Variants in TUSC3 observed in about 807,000 individuals in gnomAD.
TUSC3 encodes the protein tumor suppressor candidate 3.
TUSC3 carries 45 observed loss-of-function variants against 44.8 expected under a neutral mutation model. The ratio of observed to expected loss-of-function variants is 1.00; its 90% CI spans 0.79 to 1.29. The LOEUF (loss-of-function observed/expected upper bound fraction) is 1.29. Among genes scored for constraint, TUSC3 ranks in the 50% most tolerant of loss-of-function variants. The pLI is 0.00. For synonymous variants in TUSC3, 212 were observed against 152.9 expected (o/e 1.39, Z -2.85); for missense variants, 519 against 437.9 (o/e 1.19, Z -1.65).
chr8:15,675,911 C>CT (rs1466653190), intron 6 of TUSC3, among the ~76,000 whole-genome samples: 1 of 152,054 alleles, frequency 6.6e-6, no homozygotes, highest in Non-Finnish European at 1.5e-5. Flanking sequence ...GTGTATGTGT[C>CT]TTTTTTGTAG....
intron 6 of TUSC3, among the ~76,000 whole-genome samples, chr8:15,703,946 G>T (rs1403398033): frequency 6.6e-6 from 1 of 152,094 alleles, no homozygotes; most frequent in Non-Finnish European, 1.5e-5. Flanking sequence ...AAGCAGTCTG[G>T]CTTGGCGCAC....
intron 2 of TUSC3, among the ~76,000 whole-genome samples, chr8:15,483,946 C>G (rs146324568): frequency 2.6e-5 from 4 of 151,982 alleles, no homozygotes; most frequent in South Asian, 2.1e-4. Context: ...CGTGAGCCAC[C>G]GCGCCTGGCC....
intron 2 of TUSC3, among the ~76,000 whole-genome samples, chr8:15,628,554 A>C (rs940905301): frequency 2.0e-5 from 3 of 152,160 alleles, no homozygotes; most frequent in African/African-American, 7.2e-5. Flanking sequence ...TCGGGGTAGG[A>C]TAGTTAGAGA....
intron 6 of TUSC3, among the ~76,000 whole-genome samples, chr8:15,677,929 T>G (rs540742653): frequency 6.6e-6 from 1 of 152,338 alleles, no homozygotes; most frequent in South Asian, 2.1e-4. Context: ...TGTCTTATTT[T>G]GAAGTCCTTT....
chr8:15,666,326 C>T (rs2129181264), intron 5 of TUSC3, among the ~76,000 whole-genome samples: 1 of 151,562 alleles, frequency 6.6e-6, no homozygotes, highest in African/African-American at 2.4e-5. Flanking sequence ...AATAACCCAA[C>T]CTTATTATCA....
At chr8:15,490,564 T>C (rs1800794731) in intron 2 of TUSC3, among the ~76,000 whole-genome samples, 1 of 152,132 alleles carries the variant, frequency 6.6e-6, no homozygotes, top group Non-Finnish European at 1.5e-5. Flanking sequence ...AGAGGGGATT[T>C]GGGAGCTCCC....
At chr8:15,777,147 G>A in the TUSC3 span, among the ~76,000 whole-genome samples, 1 of 152,274 alleles carries the variant, frequency 6.6e-6, no homozygotes, top group East Asian at 1.9e-4. Context: ...AGACTCTGGA[G>A]TAGGGTAACT....
chr8:15,480,510 G>A lies in TUSC3; in HGVS notation n.92-2876G>A, dbSNP rs150328228. 2.2e-3 allele frequency among the ~76,000 whole-genome samples: 331 copies of A among 152,310 alleles called. 2 individuals are homozygous for A. The East Asian group carries it at 0.041, about 19-fold the overall frequency. On this transcript the variant is annotated intron_variant and non_coding_transcript_variant, in intron 1 of 5. Transcript: ENST00000503191. ...GTACAACTTCTAGTTGAGTAGAAATGTTAATAGCAGGAACTCTTGCCTCAT... is the reference window on the plus strand; with the variant it reads ...GTACAACTTCTAGTTGAGTAGAAATATTAATAGCAGGAACTCTTGCCTCAT...
chr8:15,729,972 A>AT (rs943074826), intron 6 of TUSC3, among the ~76,000 whole-genome samples: 8 of 151,524 alleles, frequency 5.3e-5, no homozygotes, highest in Non-Finnish European at 1.2e-4. Context: ...CCAAGGTGTT[A>AT]TTTTTTTTCT....
At chr8:15,473,010 C>G (rs144328483) in intron 1 of TUSC3, among the ~76,000 whole-genome samples, 1 of 152,280 alleles carries the variant, frequency 6.6e-6, no homozygotes, top group Non-Finnish European at 1.5e-5. Context: ...AAGTAGGATT[C>G]AAAGCCTAAC....
At chr8:15,638,941 C>G (rs1490081438) in intron 2 of TUSC3, among the ~76,000 whole-genome samples, 1 of 151,384 alleles carries the variant, frequency 6.6e-6, no homozygotes, top group African/African-American at 2.4e-5. Context: ...ACGTGATGTT[C>G]AGAGCTTCAG....
chr8:15,824,834 C>A, the TUSC3 span, among the ~76,000 whole-genome samples: 3 of 152,138 alleles, frequency 2.0e-5, no homozygotes, highest in Admixed American at 6.6e-5. Flanking sequence ...TTTAAGCCAA[C>A]CTGTCAGTTC....
At position 15,663,130 on chromosome 8, in the gene TUSC3, A is replaced by T. The variant is rs188685372; in HGVS notation, c.708+834A>T. On this transcript the variant is annotated intron_variant, in intron 5 of 10. Transcript: ENST00000503731. ...CAATTCAGTTATAATTGAAAATAAA[A>T]TCTCTTTCACAATAGGAAGGGAAAA... Among the ~76,000 whole-genome samples, 95 of 151,972 alleles carry T rather than the reference A, an allele frequency of 6.3e-4. 2 individuals are homozygous for T. The highest frequency in any genetic ancestry group is 5.8e-3 in the Admixed American group (88 of 15,206).
intron 6 of TUSC3, among the ~76,000 whole-genome samples, chr8:15,696,293 T>C (rs752209603): frequency 2.0e-5 from 3 of 152,158 alleles, no homozygotes; most frequent in Non-Finnish European, 4.4e-5. Context: ...GGATGTGGAT[T>C]CCGAGGGCAC....
At chr8:15,836,165 G>A in the TUSC3 span, among the ~76,000 whole-genome samples, 2 of 151,018 alleles carry the variant, frequency 1.3e-5, no homozygotes, top group African/African-American at 4.9e-5. Context: ...TTTTCAAAAT[G>A]GTATAATCAC....
At position 15,540,457 on chromosome 8, in the gene TUSC3, C is replaced by G. The variant is rs375899414; in HGVS notation, c.27C>G (p.Arg9=). The G allele has an allele frequency of 1.9e-6, 3 of 1,604,610 alleles. No homozygotes were observed. In the South Asian group the frequency reaches 3.3e-5, roughly 18 times the overall value. Residue 9 remains arginine, a synonymous_variant, in exon 1 of 11, where the codon CGC becomes CGG. Coordinates refer to ENST00000503731, the MANE Select transcript of TUSC3 (RefSeq NM_006765.4). The part of the protein sequence containing the change: MGARGAPS[R]RRQAGRRLRY... ...TGGGGGCCCGGGGCGCTCCTTCACG[C>G]CGTAGGCAAGCGGGGCGGCGGCTGC... is the stretch of plus-strand genomic sequence containing the variant.
At position 15,766,187 on chromosome 8, in the gene TUSC3, A is replaced by T. The variant is rs1025316245; in HGVS notation, c.*2031A>T. 5 of 152,110 alleles carry T rather than the reference A, an allele frequency of 3.3e-5. No homozygotes were observed. Among genetic ancestry groups the T allele is most frequent in the Non-Finnish European group, 5.9e-5 (4 of 67,990 alleles). 9.4% of individuals were successfully genotyped at this position (152,110 alleles called of 1,614,324 possible). A position where few individuals can be genotyped will look rare whatever the true frequency, so the allele number is the denominator to read the frequency against. Reference sequence around the variant, plus strand: ...TTTTTCAGAATTTCATGCTTTAAAAAGCTGTGGCTTCTCTATAGACAACTG... The same window carrying T: ...TTTTTCAGAATTTCATGCTTTAAAATGCTGTGGCTTCTCTATAGACAACTG... On this transcript the variant is annotated 3_prime_UTR_variant, in exon 11 of 11. Coordinates refer to ENST00000503731, the MANE Select transcript of TUSC3 (RefSeq NM_006765.4).
the TUSC3 span, among the ~76,000 whole-genome samples, chr8:15,795,486 A>G: frequency 6.6e-6 from 1 of 152,170 alleles, no homozygotes; most frequent in Non-Finnish European, 1.5e-5. Flanking sequence ...AAAATGTGTC[A>G]CTTACCCCTC....
At chr8:15,662,681 A>G (rs979126083) in intron 5 of TUSC3, among the ~76,000 whole-genome samples, 4 of 151,982 alleles carry the variant, frequency 2.6e-5, no homozygotes, top group African/African-American at 7.2e-5. Context: ...TGTATCTTCT[A>G]TGTGACTGAT....
Sources: allele counts gnomAD v4.1 joint callset (sites outside exome capture counted in the v4.1 genomes callset), GRCh38; gene constraint gnomAD v4.1.1; transcripts MANE v1.5; gene names NCBI Gene and HGNC (gene_info 2026-07-23, HGNC 2026-07-21).